Variants in EPB41L3 observed in about 807,000 individuals in gnomAD.
EPB41L3 encodes band 4.1-like protein 3.
In EPB41L3, 57 loss-of-function variants were observed where a neutral mutation model predicts 127.1. The ratio of observed to expected loss-of-function variants is 0.45; its 90% CI spans 0.36 to 0.56. The LOEUF is 0.56. Ranked by LOEUF, EPB41L3 falls within the 20% of genes least tolerant of loss-of-function variation. The probability of loss-of-function intolerance (pLI) is 0.00; values close to 1 mark genes in which losing one functional copy is unlikely to be tolerated. For synonymous variants in EPB41L3, 572 were observed against 549.5 expected (o/e 1.04, Z -0.57); for missense variants, 1,273 against 1,372.2 (o/e 0.93, Z 1.14).
chr18:5,629,250 C>G (rs992182270), upstream of EPB41L3, among the ~76,000 whole-genome samples: 13 of 151,872 alleles, frequency 8.6e-5, no homozygotes, highest in African/African-American at 3.1e-4. Flanking sequence ...GTGGGGGTAC[C>G]GGGAGCTGGA....
At chr18:5,520,504 C>A (rs1274873404) in intron 1 of EPB41L3, among the ~76,000 whole-genome samples, 1 of 149,226 alleles carries the variant, frequency 6.7e-6, no homozygotes, top group Non-Finnish European at 1.5e-5. Context: ...TAATTTTGGT[C>A]TTTTTCCTTC....
chr18:5,429,064 A>G (rs561892550), intron 8 of EPB41L3, among the ~76,000 whole-genome samples: 2 of 152,298 alleles, frequency 1.3e-5, no homozygotes, highest in South Asian at 4.1e-4. Flanking sequence ...AATACGAAAT[A>G]GTTTTTTTAA....
chr18:5,488,756 T>C (rs973423486), intron 2 of EPB41L3: 3 of 452,598 alleles, frequency 6.6e-6, no homozygotes, highest in African/African-American at 6.2e-5. Flanking sequence ...ATAGGACCAA[T>C]AATCTCCAGT....
chr18:5,610,396 T>A, intron 3 of EPB41L3: 2 of 656,878 alleles, frequency 3.0e-6, no homozygotes, highest in African/African-American at 2.0e-5. Context: ...AAAAACAGGG[T>A]AGATAATTCA....
chr18:5,554,866 G>A lies in EPB41L3; in HGVS notation c.-306+57474C>T, dbSNP rs534854410. ...AGAGCATCTGAAGCAGAAGTGTCCA[G>A]GCTAACATTATTTCTCATATCAATG... On this transcript the variant is annotated intron_variant, in intron 3 of 21. Transcript: ENST00000545076. 2.6e-5 allele frequency among the ~76,000 whole-genome samples: 4 copies of A among 152,300 alleles called. No individual in the cohort carries two copies. The East Asian group carries it at 5.8e-4, about 22-fold the overall frequency.
chr18:5,541,636 GT>G (rs556015092), intron 1 of EPB41L3, among the ~76,000 whole-genome samples: 356 of 152,174 alleles, frequency 2.3e-3, no homozygotes, highest in Middle Eastern at 3.4e-3. Flanking sequence ...ATCCGATCAA[GT>G]TAAAAAAAAT....
At chr18:5,470,945 A>G (rs1377887622) in intron 3 of EPB41L3, among the ~76,000 whole-genome samples, 3 of 152,158 alleles carry the variant, frequency 2.0e-5, no homozygotes, top group African/African-American at 4.8e-5. Flanking sequence ...GAGGAAGTAA[A>G]TAAGGAATGC....
chr18:5,524,425 C>T (rs954589946), intron 1 of EPB41L3, among the ~76,000 whole-genome samples: 5 of 152,106 alleles, frequency 3.3e-5, no homozygotes, highest in African/African-American at 1.2e-4. Flanking sequence ...GAACTCCTGA[C>T]CTCAAATGAT....
intron 3 of EPB41L3, among the ~76,000 whole-genome samples, chr18:5,597,872 A>G (rs1448882872): frequency 6.6e-6 from 1 of 152,158 alleles, no homozygotes; most frequent in Non-Finnish European, 1.5e-5. Context: ...AGACCAGGAG[A>G]GTAGCACCAG....
At chr18:5,457,995 C>T (rs1225710042) in intron 3 of EPB41L3, among the ~76,000 whole-genome samples, 1 of 152,160 alleles carries the variant, frequency 6.6e-6, no homozygotes, top group Non-Finnish European at 1.5e-5. Context: ...CCACTCACCA[C>T]TGTATTCTTA....
intron 3 of EPB41L3, chr18:5,612,286 G>T (rs2144053723): frequency 6.6e-6 from 1 of 152,316 alleles, no homozygotes; most frequent in African/African-American, 2.4e-5. Context: ...CAGATAGTAG[G>T]ATGAGAGTAG....
intron 3 of EPB41L3, among the ~76,000 whole-genome samples, chr18:5,460,839 C>T (rs1261018590): frequency 6.6e-6 from 1 of 152,154 alleles, no homozygotes; most frequent in Non-Finnish European, 1.5e-5. Flanking sequence ...TCATGCTTGG[C>T]TTCCTACTCT....
At chr18:5,472,907 C>T (rs1386818031) in intron 3 of EPB41L3, among the ~76,000 whole-genome samples, 1 of 152,154 alleles carries the variant, frequency 6.6e-6, no homozygotes, top group Non-Finnish European at 1.5e-5. Context: ...CCATAAATTT[C>T]CTTATCCTCT....
chr18:5,591,421 C>A (rs148368246), intron 3 of EPB41L3, among the ~76,000 whole-genome samples: 1 of 152,292 alleles, frequency 6.6e-6, no homozygotes, highest in African/African-American at 2.4e-5. Flanking sequence ...ACATACAGTG[C>A]AAGGGGTGAG....
At chr18:5,572,397 C>T (rs990067346) in intron 3 of EPB41L3, among the ~76,000 whole-genome samples, 12 of 152,124 alleles carry the variant, frequency 7.9e-5, no homozygotes, top group Non-Finnish European at 1.2e-4. Context: ...ATCCTGACAT[C>T]GTCAACTATT....
chr18:5,501,056 C>CT (rs1325131806), intron 1 of EPB41L3, among the ~76,000 whole-genome samples: 1 of 152,034 alleles, frequency 6.6e-6, no homozygotes, highest in Non-Finnish European at 1.5e-5. Context: ...TGTATCTTGC[C>CT]TTTTAAAGGA....
At chr18:5,514,770 T>C (rs1182627695) in intron 1 of EPB41L3, among the ~76,000 whole-genome samples, 2 of 152,180 alleles carry the variant, frequency 1.3e-5, no homozygotes, top group Non-Finnish European at 2.9e-5. Context: ...TGTTTCTCAC[T>C]CCATATGTTT....
At chr18:5,410,162 T>C (rs930796012) in intron 14 of EPB41L3, among the ~76,000 whole-genome samples, 4 of 152,026 alleles carry the variant, frequency 2.6e-5, no homozygotes, top group African/African-American at 9.7e-5. Flanking sequence ...GTGACCTTCT[T>C]CCCATTCATT....
chr18:5,541,084 C>CAAAA (rs147766745), intron 1 of EPB41L3, among the ~76,000 whole-genome samples: 15 of 76,286 alleles, frequency 2.0e-4, no homozygotes, highest in East Asian at 3.9e-4. Flanking sequence ...GACTCCGTCT[C>CAAAA]AAAAAAAAAA....
Sources: gnomAD v4.1 joint callset for allele counts (sites outside exome capture counted in the v4.1 genomes callset) on GRCh38, gnomAD v4.1.1 for gene constraint, MANE v1.5 for transcripts, NCBI Gene and HGNC (gene_info 2026-07-23, HGNC 2026-07-21) for gene names.